The following CPXM2 variants were observed in gnomAD, a reference collection of about 807,000 sequenced individuals.
CPXM2 encodes carboxypeptidase X, M14 family member 2.
In CPXM2, 66 loss-of-function variants were observed where a neutral mutation model predicts 86.1. The observed-to-expected ratio is 0.77, with a 90% CI of 0.63 to 0.94. The LOEUF is 0.94. Among genes scored for constraint, CPXM2 ranks in the 40% least tolerant of loss-of-function variants. CPXM2 has a pLI of 0.00. For synonymous variants in CPXM2, 388 were observed against 400.2 expected (o/e 0.97, Z 0.36); for missense variants, 948 against 1,026.3 (o/e 0.92, Z 1.04).
chr10:123,879,345 G>T (rs1392521335), intron 2 of CPXM2, among the ~76,000 whole-genome samples: 1 of 152,130 alleles, frequency 6.6e-6, no homozygotes, highest in Non-Finnish European at 1.5e-5. Context: ...TTTATTTTAA[G>T]CTAACCAAAA....
chr10:123,796,376 T>C (rs754217432), intron 6 of CPXM2, among the ~76,000 whole-genome samples: 10 of 152,238 alleles, frequency 6.6e-5, no homozygotes, highest in East Asian at 1.9e-4. Flanking sequence ...CTGAGGCAGA[T>C]TGAAAACATG....
intron 3 of CPXM2, among the ~76,000 whole-genome samples, chr10:123,858,141 C>T (rs1208465656): frequency 6.6e-6 from 1 of 152,228 alleles, no homozygotes; most frequent in Non-Finnish European, 1.5e-5. Context: ...TGACATCATC[C>T]CTGTATCTGC....
chr10:123,838,153 A>G (rs1462834284), intron 4 of CPXM2, among the ~76,000 whole-genome samples: 2 of 152,222 alleles, frequency 1.3e-5, no homozygotes, highest in African/African-American at 4.8e-5. Context: ...AAGATTATGC[A>G]TGTTCATTTT....
At chr10:123,752,622 C>T (rs561628813) in intron 13 of CPXM2, 70 of 985,140 alleles carry the variant, frequency 7.1e-5, no homozygotes, top group South Asian at 1.9e-4. Context: ...TTTGTTGGCA[C>T]GACAGGATCA....
chr10:123,786,330 G>A (rs145563983), intron 6 of CPXM2, among the ~76,000 whole-genome samples: 39 of 152,260 alleles, frequency 2.6e-4, no homozygotes, highest in African/African-American at 7.9e-4. Flanking sequence ...GGGTGGCAAA[G>A]GCTGCGTTCC....
intron 6 of CPXM2, among the ~76,000 whole-genome samples, chr10:123,790,424 T>G (rs1847180466): frequency 6.6e-6 from 1 of 152,152 alleles, no homozygotes; most frequent in Non-Finnish European, 1.5e-5. Context: ...AGATGTGAAC[T>G]ACGGATTAGA....
chr10:123,767,201 G>C, intron 9 of CPXM2, 49 bp from the exon 10 acceptor site: 1 of 1,543,766 alleles, frequency 6.5e-7, no homozygotes, highest in South Asian at 1.1e-5. Context: ...AGGACAACGC[G>C]GACCCTCTAC....
intron 2 of CPXM2, among the ~76,000 whole-genome samples, chr10:123,922,970 C>T (rs72631134): frequency 0.02 from 3,034 of 152,270 alleles, 84 homozygotes; most frequent in East Asian, 0.092. Flanking sequence ...CACTGTGGAG[C>T]AGCTTGAGGC....
intron 4 of CPXM2, among the ~76,000 whole-genome samples, chr10:123,829,169 G>A (rs1167862006): frequency 6.6e-6 from 1 of 152,162 alleles, no homozygotes; most frequent in Non-Finnish European, 1.5e-5. Context: ...ATGGTGACGA[G>A]ATATCATTAC....
intron 2 of CPXM2, among the ~76,000 whole-genome samples, chr10:123,863,764 C>A (rs1047973385): frequency 6.6e-6 from 1 of 152,210 alleles, no homozygotes; most frequent in Non-Finnish European, 1.5e-5. Flanking sequence ...CTGGCACCTC[C>A]GCAGCTTGGC....
intron 6 of CPXM2, among the ~76,000 whole-genome samples, chr10:123,787,031 C>G (rs1024420319): frequency 3.9e-5 from 6 of 152,154 alleles, no homozygotes; most frequent in Admixed American, 3.9e-4. Flanking sequence ...CCAGGCACAC[C>G]CTCCAGCTGG....
In CPXM2 at chr10:123,746,605, T is replaced by C; in HGVS notation, c.*159A>G. On this transcript the variant is annotated 3_prime_UTR_variant, in exon 14 of 14. Coordinates refer to ENST00000241305, the MANE Select transcript of CPXM2 (RefSeq NM_198148.3). ...CAAAGAAAAGAAAACAGCCTCAGCC[T>C]CCAGCCTTCCCTTTTGGGACCTGCC... The C allele has an allele frequency of 1.5e-6, 1 of 689,244 alleles. No individual in the cohort carries two copies. Among genetic ancestry groups the C allele is most frequent in the Non-Finnish European group, 2.4e-6 (1 of 411,420 alleles). The allele number at this position is 689,244 out of a possible 1,614,324, so 42.7% of individuals were successfully genotyped here.
At chr10:123,850,640 G>A (rs1406934793) in intron 3 of CPXM2, among the ~76,000 whole-genome samples, 4 of 152,192 alleles carry the variant, frequency 2.6e-5, no homozygotes, top group Admixed American at 1.3e-4. Flanking sequence ...GCCCCACAAT[G>A]CAAGGGTATT....
intron 4 of CPXM2, among the ~76,000 whole-genome samples, chr10:123,826,975 G>A (rs534193021): frequency 6.6e-6 from 1 of 152,262 alleles, no homozygotes; most frequent in South Asian, 2.1e-4. Context: ...ACTGTAATGG[G>A]TCATTAGTAT....
In CPXM2 at chr10:123,770,976, G is replaced by A; in HGVS notation, c.1042C>T (p.His348Tyr). ...ITRIYNIGKS[H>Y]QGLKLYAVEI... ...ACAGCATACAGCTTCAGGCCCTGGT[G>A]GCTTTTTCCAATGTTGTAAATTCTG... is the stretch of plus-strand genomic sequence containing the variant. The change falls in exon 8 of 14, where the codon CAC becomes TAC. Residue 348 changes from histidine to tyrosine, a missense_variant. Physicochemically the swap from His to Tyr is moderately conservative, Grantham distance 83. Coordinates refer to ENST00000241305, the MANE Select transcript of CPXM2 (RefSeq NM_198148.3). 6.2e-7 allele frequency: 1 copy of A among 1,613,932 alleles called. No homozygotes were observed. The highest frequency in any genetic ancestry group is 8.5e-7 in the Non-Finnish European group (1 of 1,179,838).
chr10:123,818,766 A>G (rs1055662886), intron 4 of CPXM2, among the ~76,000 whole-genome samples: 1 of 152,158 alleles, frequency 6.6e-6, no homozygotes. Flanking sequence ...CACAGTTACA[A>G]CGCCAACTCA....
chr10:123,798,854 G>A (rs1253785426), intron 5 of CPXM2, among the ~76,000 whole-genome samples: 1 of 152,246 alleles, frequency 6.6e-6, no homozygotes, highest in Non-Finnish European at 1.5e-5. Flanking sequence ...GGGCTAACTT[G>A]CAAATTACAT....
At chr10:123,868,934 T>C (rs1192730348) in intron 2 of CPXM2, among the ~76,000 whole-genome samples, 2 of 152,302 alleles carry the variant, frequency 1.3e-5, no homozygotes, top group East Asian at 1.9e-4. Context: ...AAGAAATATC[T>C]GGTTCTGGTC....
At chr10:123,765,483 A>C (rs1846448818) in intron 10 of CPXM2, among the ~76,000 whole-genome samples, 1 of 152,258 alleles carries the variant, frequency 6.6e-6, no homozygotes, top group Admixed American at 6.5e-5. Context: ...CTGGCAACCA[A>C]ATTCCAATTT....
Sources: gnomAD v4.1 joint callset for allele counts (sites outside exome capture counted in the v4.1 genomes callset) on GRCh38, gnomAD v4.1.1 for gene constraint, MANE v1.5 for transcripts, NCBI Gene and HGNC (gene_info 2026-07-23, HGNC 2026-07-21) for gene names.